RAPGEF5: variants seen among roughly 807,000 people sequenced by gnomAD.
RAPGEF5 encodes Rap guanine nucleotide exchange factor 5.
Under a neutral mutation model 125.2 loss-of-function variants are expected in RAPGEF5, and 65 were observed. The observed-to-expected ratio is 0.52, with a 90% CI of 0.43 to 0.64. The LOEUF (loss-of-function observed/expected upper bound fraction) is 0.64, where lower values mean the gene tolerates loss of function less well. RAPGEF5 is among the 30% of genes least tolerant of loss of function. The pLI is 0.00. For missense variants in RAPGEF5, 958 were observed against 1,048.1 expected (o/e 0.91, Z 1.19); for synonymous variants, 391 against 385.9 (o/e 1.01, Z -0.16).
intron 24 of RAPGEF5, among the ~76,000 whole-genome samples, chr7:22,130,264 C>G (rs952726329): frequency 4.6e-5 from 7 of 152,148 alleles, no homozygotes; most frequent in Non-Finnish European, 1.5e-5. Context: ...CTTTGGAGTA[C>G]TTCTATTTTA....
At chr7:22,171,679 A>G (rs1300240467) in intron 11 of RAPGEF5, among the ~76,000 whole-genome samples, 1 of 152,142 alleles carries the variant, frequency 6.6e-6, no homozygotes, top group Non-Finnish European at 1.5e-5. Flanking sequence ...TTGTATTTTT[A>G]GTAGAGATGG....
intron 6 of RAPGEF5, among the ~76,000 whole-genome samples, chr7:22,269,179 A>AT (rs1782357801): frequency 7.8e-6 from 1 of 127,488 alleles, no homozygotes; most frequent in African/African-American, 3.4e-5. Flanking sequence ...AAAGTTTTTG[A>AT]CAAAAAAAAA....
At chr7:22,176,914 T>C (rs961489163) in intron 11 of RAPGEF5, among the ~76,000 whole-genome samples, 14 of 152,216 alleles carry the variant, frequency 9.2e-5, no homozygotes, top group African/African-American at 2.9e-4. Context: ...CTTTAATGTA[T>C]TGCCTGTATT....
intron 20 of RAPGEF5, among the ~76,000 whole-genome samples, chr7:22,142,225 T>C (rs765241727): frequency 2.0e-5 from 3 of 152,224 alleles, no homozygotes; most frequent in South Asian, 2.1e-4. Context: ...CTCTGCTAGA[T>C]AGTAGGTTCC....
At chr7:22,122,729 T>C (rs1407793053) in intron 25 of RAPGEF5, among the ~76,000 whole-genome samples, 1 of 152,244 alleles carries the variant, frequency 6.6e-6, no homozygotes, top group Non-Finnish European at 1.5e-5. Flanking sequence ...ACTGGCAGGA[T>C]ACTTATAGCA....
intron 24 of RAPGEF5, among the ~76,000 whole-genome samples, chr7:22,130,455 A>T (rs1432563271): frequency 6.6e-6 from 1 of 152,168 alleles, no homozygotes; most frequent in Non-Finnish European, 1.5e-5. Context: ...GAGGGAGGGT[A>T]CTTTGCCTGA....
chr7:22,264,730 G>A (rs1236864344), intron 7 of RAPGEF5, among the ~76,000 whole-genome samples: 3 of 152,108 alleles, frequency 2.0e-5, no homozygotes, highest in Admixed American at 6.5e-5. Flanking sequence ...ATCCCACTCT[G>A]TGTAAATCAG....
chr7:22,243,986 T>C (rs1786405982), intron 7 of RAPGEF5, among the ~76,000 whole-genome samples: 1 of 152,292 alleles, frequency 6.6e-6, no homozygotes, highest in Admixed American at 6.5e-5. Context: ...TCTACTTCCG[T>C]AAGTTCTACT....
intron 12 of RAPGEF5, among the ~76,000 whole-genome samples, chr7:22,166,193 C>G (rs533930317): frequency 1.4e-4 from 21 of 151,308 alleles, no homozygotes; most frequent in African/African-American, 5.1e-4. Context: ...TCCCAAAGTG[C>G]TGGAATTACA....
intron 24 of RAPGEF5, among the ~76,000 whole-genome samples, chr7:22,128,153 T>C (rs1782806672): frequency 6.6e-6 from 1 of 152,166 alleles, no homozygotes; most frequent in Admixed American, 6.5e-5. Flanking sequence ...TGAGTTCTGG[T>C]CTTCATCTTT....
At chr7:22,216,893 T>C (rs1455254556) in intron 9 of RAPGEF5, among the ~76,000 whole-genome samples, 6 of 152,222 alleles carry the variant, frequency 3.9e-5, no homozygotes, top group Non-Finnish European at 5.9e-5. Context: ...ATCACAGCAT[T>C]TAGCAGTTAA....
Position 22,315,457 on chromosome 7 carries a change from G to C in RAPGEF5, c.302C>G (p.Ser101Cys), listed in dbSNP as rs1473653192. 1 of 1,501,846 alleles carries C rather than the reference G, an allele frequency of 6.7e-7. No individual in the cohort carries two copies. The allele number at this position is 1,501,846 out of a possible 1,614,324, so 93.0% of individuals were successfully genotyped here. Residue 101 changes from serine to cysteine, a missense_variant, in exon 3 of 26, where the codon TCT becomes TGT. Ser to Cys is a moderately radical substitution (Grantham distance 112). Coordinates refer to ENST00000665637, the MANE Select transcript of RAPGEF5 (RefSeq NM_012294.5). ...ATTCCTCAATGCTCTTCCTGCACAA[G>C]AAGAATTCTCTCCATAAATCTAAAT... Reference protein sequence around the residue: ...TPSQIYGENSSCAGRALRNII... With the variant: ...TPSQIYGENSCCAGRALRNII...
At chr7:22,200,296 GA>G (rs958281770) in intron 9 of RAPGEF5, among the ~76,000 whole-genome samples, 32 of 150,730 alleles carry the variant, frequency 2.1e-4, no homozygotes, top group Non-Finnish European at 4.1e-4. Context: ...TTTTTCTCAT[GA>G]AAAAAAAAGT....
intron 9 of RAPGEF5, among the ~76,000 whole-genome samples, chr7:22,210,806 T>A (rs983928048): frequency 6.6e-5 from 10 of 152,098 alleles, no homozygotes; most frequent in Admixed American, 5.9e-4. Context: ...CATTTTTTTT[T>A]AAATGTAGGA....
In RAPGEF5 at chr7:22,266,207, C is replaced by T. The variant is rs569776037; in HGVS notation, c.796+757G>A. On this transcript the variant is annotated intron_variant, in intron 7 of 25. Coordinates refer to ENST00000665637, the MANE Select transcript of RAPGEF5 (RefSeq NM_012294.5). ...CACTTTGATTTTGTCATAGTCTTTT[C>T]GCCTGAAACGTCTTATTCTAGTTTA... Among the ~76,000 whole-genome samples the T allele has an allele frequency of 1.5e-3, 234 of 152,208 alleles. 2 individuals carry two copies. Among genetic ancestry groups the T allele is most frequent in the African/African-American group, 5.3e-3 (221 of 41,556 alleles).
intron 9 of RAPGEF5, among the ~76,000 whole-genome samples, chr7:22,213,905 C>A (rs6957641): frequency 0.84 from 127,335 of 152,196 alleles, 53,403 homozygotes; most frequent in Non-Finnish European, 0.88. Flanking sequence ...AAACAATGAT[C>A]AAACCTCTTT....
chr7:22,247,253 G>T (rs1387209305), intron 7 of RAPGEF5, among the ~76,000 whole-genome samples: 1 of 151,994 alleles, frequency 6.6e-6, no homozygotes, highest in Non-Finnish European at 1.5e-5. Context: ...AAAATAAATC[G>T]TTCTGCCAAA....
chr7:22,288,253 A>C (rs1227226685), intron 6 of RAPGEF5, among the ~76,000 whole-genome samples: 2 of 151,462 alleles, frequency 1.3e-5, no homozygotes, highest in Admixed American at 6.6e-5. Flanking sequence ...TCTATCTTCT[A>C]CTCGGGTCTT....
intron 25 of RAPGEF5, among the ~76,000 whole-genome samples, chr7:22,122,752 C>T (rs987949357): frequency 6.6e-6 from 1 of 152,184 alleles, no homozygotes; most frequent in Admixed American, 6.5e-5. Context: ...TATTACCTAA[C>T]ATTGTATATT....
Sources: allele counts gnomAD v4.1 joint callset (sites outside exome capture counted in the v4.1 genomes callset), GRCh38; gene constraint gnomAD v4.1.1; transcripts MANE v1.5; gene names NCBI Gene and HGNC (gene_info 2026-07-23, HGNC 2026-07-21).